FERRY3: variants seen among roughly 807,000 people sequenced by gnomAD.
FERRY3 encodes the protein FERRY endosomal RAB5 effector complex subunit 3.
At chr12:4,525,624 T>G in the FERRY3 span, 1 of 1,431,288 alleles carries the variant, frequency 7.0e-7, no homozygotes, top group Non-Finnish European at 9.7e-7. Context: ...TCATCAAACT[T>G]TCAAGGTATA....
At chr12:4,536,241 A>G in the FERRY3 span, 20 of 1,300,170 alleles carry the variant, frequency 1.5e-5, no homozygotes, top group South Asian at 4.8e-5. Context: ...GCAGTAGGTT[A>G]TAAGTCCATA....
chr12:4,488,418 G>A, the FERRY3 span: 2 of 152,216 alleles, frequency 1.3e-5, no homozygotes, highest in Non-Finnish European at 2.9e-5. This position sits in a 1 kb window ranked among gnomAD's most constrained non-coding sequence, Gnocchi z 4.9. Flanking sequence ...TTCTCCAAGA[G>A]AACTGTATAG....
the FERRY3 span, among the ~76,000 whole-genome samples, chr12:4,496,071 CACAA>C: frequency 1.3e-5 from 2 of 152,216 alleles, no homozygotes; most frequent in African/African-American, 4.8e-5. Context: ...TGTGCACGCA[CACAA>C]ACACACACAC....
At chr12:4,494,482 T>G in the FERRY3 span, among the ~76,000 whole-genome samples, 1 of 152,264 alleles carries the variant, frequency 6.6e-6, no homozygotes, top group African/African-American at 2.4e-5. Flanking sequence ...TGTTTAGGTC[T>G]GATCCATTTT....
chr12:4,529,050 ATAT>A, the FERRY3 span, among the ~76,000 whole-genome samples: 1 of 152,130 alleles, frequency 6.6e-6, no homozygotes, highest in African/African-American at 2.4e-5. Context: ...AAGATAATAA[ATAT>A]TATTAGATTC....
At chr12:4,492,045 C>A in the FERRY3 span, among the ~76,000 whole-genome samples, 3 of 152,090 alleles carry the variant, frequency 2.0e-5, no homozygotes, top group Non-Finnish European at 4.4e-5. Flanking sequence ...GAGACCCTTG[C>A]TCTAAAAAAA....
chr12:4,524,862 TTATAGATCAG>T, the FERRY3 span: 1 of 159,630 alleles, frequency 6.3e-6, no homozygotes, highest in African/African-American at 2.4e-5. Context: ...ATTATTTTAT[TTATAGATCAG>T]TCTCTCTTTC....
chr12:4,503,886 G>T, the FERRY3 span, among the ~76,000 whole-genome samples: 1 of 152,118 alleles, frequency 6.6e-6, no homozygotes, highest in Non-Finnish European at 1.5e-5. Context: ...ACAGATATTA[G>T]TTCTTCCAGA....
At chr12:4,530,160 CCT>C in the FERRY3 span, 3 of 900,400 alleles carry the variant, frequency 3.3e-6, no homozygotes, top group Non-Finnish European at 5.0e-6. Flanking sequence ...ACAGAAAGAC[CCT>C]CTTATATATA....
At chr12:4,497,454 A>G in the FERRY3 span, among the ~76,000 whole-genome samples, 1 of 152,192 alleles carries the variant, frequency 6.6e-6, no homozygotes, top group South Asian at 2.1e-4. Flanking sequence ...CAGTCTATGA[A>G]AAGTTGAGCT....
the FERRY3 span, among the ~76,000 whole-genome samples, chr12:4,522,336 AATAC>A: frequency 6.6e-6 from 1 of 152,240 alleles, no homozygotes; most frequent in Non-Finnish European, 1.5e-5. Flanking sequence ...GTATTTGTAA[AATAC>A]ATTATTTGAT....
the FERRY3 span, chr12:4,502,196 T>C: frequency 2.7e-5 from 8 of 301,066 alleles, no homozygotes; most frequent in Admixed American, 3.9e-4. The surrounding 1 kb of genome is among the most constrained non-coding windows in gnomAD (Gnocchi z 4.2). Context: ...TATTTTCTTC[T>C]TAGCACTGAA....
the FERRY3 span, among the ~76,000 whole-genome samples, chr12:4,497,398 G>A: frequency 6.6e-6 from 1 of 152,088 alleles, no homozygotes; most frequent in Non-Finnish European, 1.5e-5. Context: ...CTGGGTGCTG[G>A]TCATGTTCCA....
the FERRY3 span, chr12:4,525,119 G>T: frequency 1.8e-6 from 2 of 1,101,650 alleles, no homozygotes; most frequent in Non-Finnish European, 2.6e-6. Context: ...GGTGGTAAAA[G>T]CACAGCATAA....
the FERRY3 span, among the ~76,000 whole-genome samples, chr12:4,503,092 A>G: frequency 6.6e-6 from 1 of 152,240 alleles, no homozygotes; most frequent in South Asian, 2.1e-4. Context: ...GATATGGGCC[A>G]TGATCCAGGA....
chr12:4,530,243 G>T, the FERRY3 span, among the ~76,000 whole-genome samples: 1 of 152,062 alleles, frequency 6.6e-6, no homozygotes, highest in Admixed American at 6.5e-5. Context: ...AATGTGGAGA[G>T]ATACAGACTA....
the FERRY3 span, chr12:4,500,357 C>T: frequency 1.9e-6 from 3 of 1,602,390 alleles, no homozygotes. Flanking sequence ...ACAATAAATA[C>T]AATCATGATT....
At chr12:4,500,818 A>G in the FERRY3 span, among the ~76,000 whole-genome samples, 2 of 151,954 alleles carry the variant, frequency 1.3e-5, no homozygotes, top group African/African-American at 2.4e-5. Flanking sequence ...ATGCCCAGCT[A>G]ATTTTTGTAT....
chr12:4,490,542 C>T, the FERRY3 span: 1 of 1,607,394 alleles, frequency 6.2e-7, no homozygotes. Context: ...AGAAATTGCA[C>T]TGTCCTAGAA....
Sources: gnomAD v4.1 joint callset for allele counts (sites outside exome capture counted in the v4.1 genomes callset) on GRCh38, gnomAD v4.1.1 for gene constraint, Gnocchi (gnomAD v3.1) non-coding constraint, MANE v1.5 for transcripts, NCBI Gene and HGNC (gene_info 2026-07-23, HGNC 2026-07-21) for gene names.